The following IRAG1 variants were observed in gnomAD, a reference collection of about 807,000 sequenced individuals.
IRAG1 encodes the protein inositol 1,4,5-triphosphate receptor associated 1.
In IRAG1, 62 loss-of-function variants were observed where a neutral mutation model predicts 106.2. The ratio of observed to expected loss-of-function variants is 0.58; its 90% confidence interval spans 0.48 to 0.72. IRAG1 has a LOEUF of 0.72. Among genes scored for constraint, IRAG1 ranks in the 30% least tolerant of loss-of-function variants. IRAG1 has a pLI of 0.00. For synonymous variants in IRAG1, 462 were observed against 443.9 expected, an observed-to-expected ratio of 1.04 and a Z score of -0.51; for missense variants, 1,064 against 1,140.7, an observed-to-expected ratio of 0.93 and a Z score of 0.97.
intron 10 of IRAG1, among the ~76,000 whole-genome samples, chr11:10,613,881 AG>A (rs1415126366): frequency 6.6e-6 from 1 of 152,140 alleles, no homozygotes; most frequent in African/African-American, 2.4e-5. Flanking sequence ...GCTAATTCCT[AG>A]AAACAACTCT....
At chr11:10,585,458 A>G (rs12289747) in intron 18 of IRAG1, among the ~76,000 whole-genome samples, 7,224 of 151,876 alleles carry the variant, frequency 0.048, 307 homozygotes, top group African/African-American at 0.11. Flanking sequence ...TGAGGAAACC[A>G]AGGCTCAAAA....
At chr11:10,594,056 T>C in intron 16 of IRAG1, 90 bp downstream of exon 16, 1 of 1,246,664 alleles carries the variant, frequency 8.0e-7, no homozygotes, top group Non-Finnish European at 1.1e-6. Flanking sequence ...CTGGCATCCA[T>C]GGATCCCAGA....
At chr11:10,687,626 C>G (rs899849207) in intron 1 of IRAG1, 1 of 1,195,498 alleles carries the variant, frequency 8.4e-7, no homozygotes, top group Non-Finnish European at 1.1e-6. Context: ...TTTATTGGGC[C>G]TCCTTAAAGA....
At chr11:10,687,596 A>C (rs1488020829) in intron 1 of IRAG1, 2 of 1,070,380 alleles carry the variant, frequency 1.9e-6, no homozygotes, top group Non-Finnish European at 2.4e-6. Context: ...TTAAAGCTTC[A>C]GTGAAGGAAA....
rs144504576 is a variant in IRAG1 at position 10,644,847 on chromosome 11, C to T, written c.225+7178G>A. 5.1e-4 allele frequency among the ~76,000 whole-genome samples: 78 copies of T among 152,320 alleles called. 2 individuals carry two copies. The South Asian group carries it at 0.015, about 30-fold the overall frequency. ...TTCCCAAGGAGTTTCCAGGGAGGTACAGGCAGAACCTCTCTGTTGGCCAGT... is the reference window on the plus strand; with the variant it reads ...TTCCCAAGGAGTTTCCAGGGAGGTATAGGCAGAACCTCTCTGTTGGCCAGT... On this transcript the variant is annotated intron_variant, in intron 2 of 20. Transcript: ENST00000423302.
intron 1 of IRAG1, 181 bp from the exon 2 acceptor site, chr11:10,652,363 T>A: frequency 7.0e-7 from 1 of 1,427,830 alleles, no homozygotes; most frequent in African/African-American, 1.4e-5. Context: ...TGGCTTTGTT[T>A]ACAAAGTCAG....
chr11:10,632,561 A>G (rs1339381775), intron 3 of IRAG1, among the ~76,000 whole-genome samples: 1 of 152,184 alleles, frequency 6.6e-6, no homozygotes, highest in Non-Finnish European at 1.5e-5. Context: ...CTGACTCTCA[A>G]CTTGGGAACG....
intron 2 of IRAG1, among the ~76,000 whole-genome samples, chr11:10,643,247 C>T (rs1208978017): frequency 6.6e-5 from 10 of 150,776 alleles, no homozygotes; most frequent in Admixed American, 4.6e-4. Flanking sequence ...GCGGCAAGTC[C>T]TAGGGGCACA....
At chr11:10,592,858 CAG>C (rs1382399169) in intron 17 of IRAG1, among the ~76,000 whole-genome samples, 1 of 152,152 alleles carries the variant, frequency 6.6e-6, no homozygotes, top group Non-Finnish European at 1.5e-5. Flanking sequence ...TGTCTACACA[CAG>C]AAACACACTC....
intron 2 of IRAG1, among the ~76,000 whole-genome samples, chr11:10,650,979 G>C (rs1858440140): frequency 6.6e-6 from 1 of 152,210 alleles, no homozygotes; most frequent in African/African-American, 2.4e-5. Context: ...TACTCACTAA[G>C]AATCTGCCCT....
chr11:10,693,423 A>C, intron 1 of IRAG1, 113 bp downstream of exon 1: 1 of 1,466,926 alleles, frequency 6.8e-7, no homozygotes. Context: ...GCTCCCCTGG[A>C]AAGTTAAAGT....
chr11:10,623,705 A>G, intron 10 of IRAG1, 73 bp downstream of exon 10: 1 of 1,371,300 alleles, frequency 7.3e-7, no homozygotes, highest in South Asian at 1.2e-5. Context: ...TTGTGTTTAC[A>G]CATTCACCTT....
intron 8 of IRAG1, among the ~76,000 whole-genome samples, chr11:10,626,935 C>A (rs1856289137): frequency 6.6e-6 from 1 of 152,162 alleles, no homozygotes; most frequent in Non-Finnish European, 1.5e-5. Context: ...GTTTGTGAAC[C>A]CTCTGAAATT....
At chr11:10,621,767 G>A (rs967444234) in intron 10 of IRAG1, among the ~76,000 whole-genome samples, 1 of 152,192 alleles carries the variant, frequency 6.6e-6, no homozygotes, top group Non-Finnish European at 1.5e-5. Context: ...GCTATGGGAA[G>A]TTTATTAATT....
chr11:10,676,703 G>T (rs1404667471), intron 1 of IRAG1, among the ~76,000 whole-genome samples: 1 of 152,138 alleles, frequency 6.6e-6, no homozygotes. Context: ...AGAGACAAGG[G>T]GATGAGACCG....
At chr11:10,689,368 A>G (rs759393409) in intron 1 of IRAG1, among the ~76,000 whole-genome samples, 2 of 152,218 alleles carry the variant, frequency 1.3e-5, no homozygotes, top group Admixed American at 6.5e-5. Context: ...CCTCAAATAG[A>G]GGCTTTCTCT....
At chr11:10,616,886 A>T (rs1055186324) in intron 10 of IRAG1, 2 of 303,908 alleles carry the variant, frequency 6.6e-6, no homozygotes, top group African/African-American at 4.5e-5. Flanking sequence ...ATTTTCAAAT[A>T]TATCTCCCAG....
At chr11:10,655,435 A>C (rs1858840170) in intron 1 of IRAG1, among the ~76,000 whole-genome samples, 1 of 152,112 alleles carries the variant, frequency 6.6e-6, no homozygotes, top group Non-Finnish European at 1.5e-5. Flanking sequence ...ATGTGGTTTT[A>C]CTGTTCCCAA....
rs144555642 is a variant in IRAG1 at position 10,664,528 on chromosome 11, T to A, written c.68-12346A>T. Among the ~76,000 whole-genome samples, 46 of 152,290 alleles carry A rather than the reference T, an allele frequency of 3.0e-4. No homozygotes were observed. The East Asian group carries it at 5.4e-3, about 18-fold the overall frequency. On this transcript the variant is annotated intron_variant, in intron 1 of 20. Transcript: ENST00000423302. ...CACCATTCAGGCCTCAGTCTCTCCA[T>A]CTCAATAGTAAAGGCTGGGCTAACT...
Sources: gnomAD v4.1 joint callset for allele counts (sites outside exome capture counted in the v4.1 genomes callset) on GRCh38, gnomAD v4.1.1 for gene constraint, MANE v1.5 for transcripts, NCBI Gene and HGNC (gene_info 2026-07-23, HGNC 2026-07-21) for gene names.